CHIC2: variants seen among roughly 807,000 people sequenced by gnomAD.
The protein encoded by CHIC2 is cysteine rich hydrophobic domain 2.
Under a neutral mutation model 25.9 loss-of-function variants are expected in CHIC2, and 14 were observed. The observed-to-expected ratio is 0.54, with a 90% CI of 0.36 to 0.85. CHIC2 has a LOEUF of 0.85. CHIC2 is among the 40% of genes least tolerant of loss of function. CHIC2 has a pLI of 0.01. For synonymous variants in CHIC2, 70 were observed against 72.0 expected (o/e 0.97, Z 0.14); for missense variants, 146 against 202.0 (o/e 0.72, Z 1.68).
At chr4:54,087,171 G>T in the CHIC2 span, 1 of 738,416 alleles carries the variant, frequency 1.4e-6, no homozygotes, top group South Asian at 1.4e-5. Flanking sequence ...AGGACTCCTG[G>T]AAACAGATAT....
rs758803685 is a variant in CHIC2, at chr4:54,064,345, G to T, written c.-45C>A. The T allele has an allele frequency of 9.3e-6, 15 of 1,609,788 alleles. No individual in the cohort carries two copies. Among genetic ancestry groups the T allele is most frequent in the African/African-American group, 2.7e-5 (2 of 74,818 alleles). On this transcript the variant is annotated 5_prime_UTR_variant, in exon 1 of 6. Transcript: ENST00000263921. The surrounding 1 kb of genome is among the most constrained non-coding windows in gnomAD (Gnocchi z 4.2). ...CTGCCCAAAGGGCCTGACTCCCGGGGTTGGCGCCGGGGTACCGGCGGGCGA... is the reference window on the plus strand; with the variant it reads ...CTGCCCAAAGGGCCTGACTCCCGGGTTTGGCGCCGGGGTACCGGCGGGCGA...
intron 1 of CHIC2, among the ~76,000 whole-genome samples, chr4:54,056,115 T>C (rs1010989145): frequency 3.3e-5 from 5 of 152,176 alleles, no homozygotes; most frequent in African/African-American, 1.2e-4. Context: ...TATAATAATC[T>C]AGCATTAGCA....
At chr4:54,056,062 G>A (rs75379529) in intron 1 of CHIC2, among the ~76,000 whole-genome samples, 463 of 152,234 alleles carry the variant, frequency 3.0e-3, no homozygotes, top group Non-Finnish European at 5.7e-3. Context: ...CAAAGCATGT[G>A]TTAAATTTAC....
At chr4:54,014,660 A>G (rs1371185213) in intron 3 of CHIC2, among the ~76,000 whole-genome samples, 1 of 152,178 alleles carries the variant, frequency 6.6e-6, no homozygotes. Flanking sequence ...TTTTGAACAG[A>G]GCCAAAATTT....
At position 54,010,028 on chromosome 4, in the gene CHIC2, A is replaced by G; in HGVS notation, c.*67T>C. On this transcript the variant is annotated 3_prime_UTR_variant, in exon 6 of 6. Transcript: ENST00000263921. ...GAACCAATGTTATGTCACCACCAGG[A>G]GAGCACCAAGCAAGGCACCATTGGA... 9.5e-7 allele frequency: 1 copy of G among 1,052,708 alleles called. No individual in the cohort carries two copies. Among genetic ancestry groups the G allele is most frequent in the Non-Finnish European group, 1.5e-6 (1 of 685,508 alleles). The allele number at this position is 1,052,708 out of a possible 1,614,324, so 65.2% of individuals were successfully genotyped here.
chr4:54,058,573 C>CACAT (rs1717245354), intron 1 of CHIC2, among the ~76,000 whole-genome samples: 1 of 151,342 alleles, frequency 6.6e-6, no homozygotes. Context: ...CACACACACA[C>CACAT]ACACACACAC....
intron 3 of CHIC2, among the ~76,000 whole-genome samples, chr4:54,043,436 A>G (rs996548151): frequency 2.2e-4 from 34 of 151,806 alleles, no homozygotes; most frequent in Non-Finnish European, 3.7e-4. Context: ...AAAAAAAAAA[A>G]AAAGAAACAC....
At chr4:54,074,664 A>T in the CHIC2 span, among the ~76,000 whole-genome samples, 1 of 150,802 alleles carries the variant, frequency 6.6e-6, no homozygotes, top group Non-Finnish European at 1.5e-5. Flanking sequence ...CCCTATTTTT[A>T]ATTTTTTCTT....
the CHIC2 span, among the ~76,000 whole-genome samples, chr4:54,085,957 A>AC: frequency 6.6e-6 from 1 of 152,080 alleles, no homozygotes; most frequent in African/African-American, 2.4e-5. Context: ...TAAAAAAAAA[A>AC]CAAAAAGTCC....
At chr4:54,032,622 A>C (rs1232460990) in intron 3 of CHIC2, among the ~76,000 whole-genome samples, 3 of 152,148 alleles carry the variant, frequency 2.0e-5, no homozygotes, top group Non-Finnish European at 4.4e-5. Flanking sequence ...AATCACAAAA[A>C]TCCTGAAAAT....
intron 3 of CHIC2, among the ~76,000 whole-genome samples, chr4:54,042,867 T>C (rs941440695): frequency 5.3e-5 from 8 of 152,232 alleles, no homozygotes; most frequent in African/African-American, 1.7e-4. Context: ...CAATAGAATG[T>C]ACCAGTTTAA....
intron 3 of CHIC2, among the ~76,000 whole-genome samples, chr4:54,015,956 T>G (rs1715726785): frequency 1.3e-5 from 2 of 152,130 alleles, no homozygotes; most frequent in Non-Finnish European, 2.9e-5. Flanking sequence ...TGGCAATAGG[T>G]TCTACTCTGA....
the CHIC2 span, among the ~76,000 whole-genome samples, chr4:54,081,873 C>T: frequency 6.4e-4 from 97 of 152,096 alleles, 1 homozygote; most frequent in South Asian, 0.018. Flanking sequence ...AAGTTTTTAC[C>T]ATTGGGAAGC....
At chr4:54,047,674 A>G in intron 3 of CHIC2, among the ~76,000 whole-genome samples, 1 of 150,336 alleles carries the variant, frequency 6.7e-6, no homozygotes, top group Admixed American at 6.6e-5. Context: ...GGGGAGGGAT[A>G]GCATTAGGAG....
At chr4:54,049,146 T>G (rs1185962550) in intron 2 of CHIC2, 36 bp from the exon 3 acceptor site, 1 of 1,577,150 alleles carries the variant, frequency 6.3e-7, no homozygotes, top group South Asian at 1.2e-5. Context: ...AACAATGCAA[T>G]ATTAATGTCA....
rs1468780987 is a variant in CHIC2, at chr4:54,064,168, C to T, written c.119+14G>A. On this transcript the variant is annotated intron_variant, in intron 1 of 5. Coordinates refer to ENST00000263921, the MANE Select transcript of CHIC2 (RefSeq NM_012110.4). The surrounding 1 kb of genome is among the most constrained non-coding windows in gnomAD (Gnocchi z 4.2). ...AGCCCGCACCTCCCGCCCTCGCCCT[C>T]CTCCGGGCCTTACACGGTGACGTGA... 1.3e-6 allele frequency: 2 copies of T among 1,594,702 alleles called. No homozygotes were observed. Among genetic ancestry groups the T allele is most frequent in the South Asian group, 2.3e-5 (2 of 88,144 alleles).
At chr4:54,089,797 T>C in the CHIC2 span, among the ~76,000 whole-genome samples, 1 of 152,202 alleles carries the variant, frequency 6.6e-6, no homozygotes, top group East Asian at 1.9e-4. Context: ...AGGATGAAGA[T>C]GGAGTATCTG....
intron 1 of CHIC2, among the ~76,000 whole-genome samples, chr4:54,057,826 A>T (rs536294822): frequency 6.6e-6 from 1 of 152,346 alleles, no homozygotes; most frequent in South Asian, 2.1e-4. Flanking sequence ...ATCAAAACCC[A>T]AGCATCTACA....
intron 3 of CHIC2, among the ~76,000 whole-genome samples, chr4:54,044,153 G>T (rs1312416516): frequency 6.6e-6 from 1 of 152,132 alleles, no homozygotes; most frequent in Non-Finnish European, 1.5e-5. Flanking sequence ...GACTCATAAA[G>T]CAAGTCCTTA....
Sources: gnomAD v4.1 joint callset for allele counts (sites outside exome capture counted in the v4.1 genomes callset) on GRCh38, gnomAD v4.1.1 for gene constraint, Gnocchi (gnomAD v3.1) non-coding constraint, MANE v1.5 for transcripts, NCBI Gene and HGNC (gene_info 2026-07-23, HGNC 2026-07-21) for gene names.